Variants in ARHGAP23 observed in about 807,000 individuals in gnomAD.
The protein encoded by ARHGAP23 is rho GTPase-activating protein 23.
A neutral mutation model predicts 136.3 loss-of-function variants in ARHGAP23; 34 were observed. The ratio of observed to expected loss-of-function variants is 0.25; its 90% CI spans 0.19 to 0.33. ARHGAP23 has a LOEUF of 0.33. Ranked by LOEUF, ARHGAP23 falls within the 10% of genes least tolerant of loss-of-function variation. The probability of loss-of-function intolerance (pLI) is 1.00; values close to 1 mark genes in which losing one functional copy is unlikely to be tolerated. For missense variants in ARHGAP23, 1,808 were observed against 2,139.0 expected, an observed-to-expected ratio of 0.85 and a Z score of 3.05; for synonymous variants, 832 against 920.5, an observed-to-expected ratio of 0.90 and a Z score of 1.74.
At position 38,477,300 on chromosome 17, in the gene ARHGAP23, C is replaced by T. The variant is rs564598152; in HGVS notation, c.2119-279C>T. Among the ~76,000 whole-genome samples the T allele has an allele frequency of 2.8e-5, 4 of 145,306 alleles. No homozygotes were observed. Among genetic ancestry groups the T allele is most frequent in the South Asian group, 4.4e-4 (2 of 4,562 alleles). On this transcript the variant is annotated intron_variant, in intron 11 of 23. Transcript: ENST00000622683. The surrounding 1 kb of genome is among the most constrained non-coding windows in gnomAD (Gnocchi z 6.6). The stretch of plus-strand genomic sequence containing the variant: ...TGGGTGTCTGAGCATTGCCACCGCT[C>T]GGTGAGTGTTGATGCTGGTGTTTAG...
At chr17:38,445,839 G>C (rs1351424644) in intron 1 of ARHGAP23, among the ~76,000 whole-genome samples, 1 of 151,702 alleles carries the variant, frequency 6.6e-6, no homozygotes, top group Non-Finnish European at 1.5e-5. Context: ...TCACCGTGTC[G>C]TCCAGGCTGG....
chr17:38,437,270 A>G (rs111883167), intron 1 of ARHGAP23, among the ~76,000 whole-genome samples: 4,366 of 151,670 alleles, frequency 0.029, 180 homozygotes, highest in African/African-American at 0.096. Flanking sequence ...CAGTGGCACA[A>G]TCAGGCACAC....
chr17:38,508,315 T>C (rs1310855142), intron 23 of ARHGAP23, among the ~76,000 whole-genome samples: 1 of 151,982 alleles, frequency 6.6e-6, no homozygotes, highest in African/African-American at 2.4e-5. Context: ...AGGGGGACAT[T>C]AAGGGCTGGC....
Position 38,467,000 on chromosome 17 carries a change from G to T in ARHGAP23, c.1317G>T (p.Arg439=). The part of the protein sequence containing the change: ...RTGLLHALSF[R]DSPFGGLPTF... ...GCCTCCTCCATGCGCTCTCCTTCCG[G>T]GACTCACCCTTTGGGGGGCTGCCTA... Residue 439 remains arginine (R), a synonymous_variant, in exon 7 of 24, where the codon CGG becomes CGT. Coordinates refer to ENST00000622683, the MANE Select transcript of ARHGAP23 (RefSeq NM_001199417.2). 4.5e-6 allele frequency: 7 copies of T among 1,550,688 alleles called. No individual in the cohort carries two copies. Among genetic ancestry groups the T allele is most frequent in the Non-Finnish European group, 6.1e-6 (7 of 1,146,966 alleles).
At chr17:38,462,772 C>T in intron 3 of ARHGAP23, 74 bp from the exon 4 acceptor site, 1 of 1,040,710 alleles carries the variant, frequency 9.6e-7, no homozygotes, top group Non-Finnish European at 1.4e-6. Context: ...GAGTGTGTGT[C>T]CCCTGTGTGT....
intron 14 of ARHGAP23, among the ~76,000 whole-genome samples, chr17:38,480,435 C>G (rs932896583): frequency 2.0e-5 from 3 of 152,134 alleles, no homozygotes; most frequent in Non-Finnish European, 4.4e-5. Flanking sequence ...AGATCGAGAC[C>G]ATCCTGGCTA....
intron 23 of ARHGAP23, among the ~76,000 whole-genome samples, chr17:38,502,958 TC>T (rs2040553374): frequency 6.6e-6 from 1 of 152,092 alleles, no homozygotes; most frequent in Non-Finnish European, 1.5e-5. Context: ...GGCAGGAAGA[TC>T]ATTTGAGCTT....
intron 22 of ARHGAP23, chr17:38,498,840 TC>T: frequency 1.4e-6 from 1 of 693,028 alleles, no homozygotes. Flanking sequence ...TAATTTTTCT[TC>T]CTTTTCTCCT....
chr17:38,440,797 G>T (rs2038903783), intron 1 of ARHGAP23, among the ~76,000 whole-genome samples: 1 of 152,216 alleles, frequency 6.6e-6, no homozygotes, highest in African/African-American at 2.4e-5. Flanking sequence ...ATGAGGAGAG[G>T]GATCTAGAGG....
At chr17:38,472,103 C>CA (rs2039774626) in intron 11 of ARHGAP23, 97 bp downstream of exon 11, 1 of 1,278,264 alleles carries the variant, frequency 7.8e-7, no homozygotes, top group African/African-American at 1.5e-5. Flanking sequence ...CAGAGAGAAC[C>CA]AGTGTAGGTT....
At chr17:38,460,986 T>C (rs2039447133) in intron 3 of ARHGAP23, 54 bp downstream of exon 3, 2 of 1,528,764 alleles carry the variant, frequency 1.3e-6, no homozygotes, top group Non-Finnish European at 1.8e-6. Flanking sequence ...TTCCAGCTCC[T>C]GTCTCTCCCT....
At chr17:38,500,115 T>C (rs532507010) in intron 22 of ARHGAP23, among the ~76,000 whole-genome samples, 14 of 152,340 alleles carry the variant, frequency 9.2e-5, no homozygotes, top group African/African-American at 2.9e-4. Flanking sequence ...CTCTTCTCTG[T>C]TGTGTGCTCG....
At chr17:38,438,212 T>C (rs527362429) in intron 1 of ARHGAP23, among the ~76,000 whole-genome samples, 108 of 150,766 alleles carry the variant, frequency 7.2e-4, no homozygotes, top group African/African-American at 2.4e-3. Flanking sequence ...TCCCAGCTAC[T>C]TGGGGGGCTG....
rs892569132 is a variant in ARHGAP23 at position 38,477,657 on chromosome 17, C to T, written c.2197C>T (p.Arg733Trp). ...GCGCTCGCTCTCGCTGAGCAAGGAG[C>T]GGCGGGAGCCCGGGCCGGCGGCGGC... ...RARSLSLSKE[R>W]REPGPAAAGA... Residue 733 changes from arginine to tryptophan, a missense_variant, in exon 12 of 24, where the codon CGG (arginine) becomes TGG (tryptophan). Coordinates refer to ENST00000622683, the MANE Select transcript of ARHGAP23 (RefSeq NM_001199417.2). The surrounding 1 kb of genome is among the most constrained non-coding windows in gnomAD (Gnocchi z 6.6). 130 of 1,271,822 alleles carry T rather than the reference C, an allele frequency of 1.0e-4. No individual in the cohort carries two copies. The highest frequency in any genetic ancestry group is 1.3e-4 in the Admixed American group (3 of 22,482). The allele number at this position is 1,271,822 out of a possible 1,614,324, so 78.8% of individuals were successfully genotyped here. A position where few individuals can be genotyped will look rare whatever the true frequency, so the allele number is the denominator to read the frequency against.
At position 38,441,068 on chromosome 17, in the gene ARHGAP23, G is replaced by A. The variant is rs376507484; in HGVS notation, c.63+12520G>A. Among the ~76,000 whole-genome samples, 62 of 152,220 alleles carry A rather than the reference G, an allele frequency of 4.1e-4. 1 individual carries two copies. The highest frequency in any genetic ancestry group is 2.9e-3 in the East Asian group (15 of 5,194). ...GTGGGCAGAGGCCCTGGGTTGTGCT[G>A]CAGGTTGGGCACTGCCTTTTGCTGA... On this transcript the variant is annotated intron_variant, in intron 1 of 23. Transcript: ENST00000622683.
intron 1 of ARHGAP23, among the ~76,000 whole-genome samples, chr17:38,448,713 A>G (rs947566672): frequency 2.0e-5 from 3 of 147,678 alleles, no homozygotes; most frequent in Admixed American, 6.9e-5. Context: ...TGGCGCGAAC[A>G]CAGCTCACTG....
intron 1 of ARHGAP23, chr17:38,453,716 G>A (rs944691031): frequency 6.7e-6 from 1 of 149,210 alleles, no homozygotes; most frequent in Non-Finnish European, 1.5e-5. Context: ...CGCAGGAGGC[G>A]CGGAGCCAAT....
At chr17:38,479,630 A>C (rs554651576) in intron 13 of ARHGAP23, 123 bp from the exon 14 acceptor site, 2 of 1,387,986 alleles carry the variant, frequency 1.4e-6, no homozygotes, top group Non-Finnish European at 2.0e-6. Flanking sequence ...TCCAGGCTGC[A>C]GTTAGGCATG....
chr17:38,434,575 C>T (rs1041100834), intron 1 of ARHGAP23, among the ~76,000 whole-genome samples: 2 of 152,114 alleles, frequency 1.3e-5, no homozygotes, highest in African/African-American at 2.4e-5. Context: ...GGAGGTTGGT[C>T]GGAGGTGTGT....
Sources: gnomAD v4.1 joint callset for allele counts (sites outside exome capture counted in the v4.1 genomes callset) on GRCh38, gnomAD v4.1.1 for gene constraint, Gnocchi (gnomAD v3.1) non-coding constraint, MANE v1.5 for transcripts, NCBI Gene and HGNC (gene_info 2026-07-23, HGNC 2026-07-21) for gene names.